PTK2B: variants seen among roughly 807,000 people sequenced by gnomAD.
PTK2B encodes the protein protein tyrosine kinase 2 beta.
Under a neutral mutation model 142.9 loss-of-function variants are expected in PTK2B, and 71 were observed. That is an observed-to-expected ratio of 0.50 (90% CI 0.41 to 0.61). The LOEUF (loss-of-function observed/expected upper bound fraction) is 0.61, where lower values mean the gene tolerates loss of function less well. Ranked by LOEUF, PTK2B falls within the 20% of genes least tolerant of loss-of-function variation. PTK2B has a pLI of 0.00. For synonymous variants in PTK2B, 519 were observed against 503.4 expected (o/e 1.03, Z -0.42); for missense variants, 1,105 against 1,320.4 (o/e 0.84, Z 2.53).
Position 27,433,957 on chromosome 8 carries a change from C to T in PTK2B, c.1106-136C>T, listed in dbSNP as rs1455930680. 8.2e-6 allele frequency: 10 copies of T among 1,226,514 alleles called. No homozygotes were observed. In the Admixed American group the frequency reaches 1.4e-4, roughly 17 times the overall value. 76.0% of individuals were successfully genotyped at this position (1,226,514 alleles called of 1,614,324 possible). A position where few individuals can be genotyped will look rare whatever the true frequency, so the allele number is the denominator to read the frequency against. On this transcript the variant is annotated intron_variant, in intron 11 of 30. Coordinates refer to ENST00000346049, the MANE Select transcript of PTK2B (RefSeq NM_173176.3). ...CACTTCTGGCCCAAGGCCTCACTAG[C>T]TCCCAGGCTAGGAGAGAATGGAATT...
At chr8:27,411,048 T>A (rs1809027995) in intron 2 of PTK2B, among the ~76,000 whole-genome samples, 1 of 152,202 alleles carries the variant, frequency 6.6e-6, no homozygotes, top group Admixed American at 6.5e-5. Context: ...AGTCCTGGGC[T>A]TACCCAAATA....
chr8:27,321,916 G>A (rs1039878992), upstream of PTK2B, among the ~76,000 whole-genome samples: 10 of 152,118 alleles, frequency 6.6e-5, no homozygotes, highest in African/African-American at 2.4e-4. Context: ...ACATAGTGAT[G>A]TCTGGTTAAA....
chr8:27,435,151 A>G (rs566673825), intron 13 of PTK2B, among the ~76,000 whole-genome samples: 176 of 152,360 alleles, frequency 1.2e-3, no homozygotes, highest in African/African-American at 4.1e-3. Context: ...TGGAAGTCCA[A>G]GATCAAGGTG....
At chr8:27,417,038 A>G (rs907670293) in intron 2 of PTK2B, among the ~76,000 whole-genome samples, 1 of 152,244 alleles carries the variant, frequency 6.6e-6, no homozygotes, top group Non-Finnish European at 1.5e-5. Context: ...AGTTGCTCAT[A>G]AAGTCAGACA....
chr8:27,337,704 T>C (rs1804159046), intron 1 of PTK2B, among the ~76,000 whole-genome samples: 1 of 152,242 alleles, frequency 6.6e-6, no homozygotes, highest in African/African-American at 2.4e-5. Flanking sequence ...TTCGTTTTGA[T>C]TGATATTTAT....
At chr8:27,344,358 G>A (rs1221219608) in intron 1 of PTK2B, among the ~76,000 whole-genome samples, 1 of 152,158 alleles carries the variant, frequency 6.6e-6, no homozygotes, top group Admixed American at 6.5e-5. Context: ...CTCAAGGTGT[G>A]GCCCCTCTAC....
At chr8:27,390,486 A>G (rs1472845217) in intron 1 of PTK2B, among the ~76,000 whole-genome samples, 1 of 151,938 alleles carries the variant, frequency 6.6e-6, no homozygotes, top group African/African-American at 2.4e-5. Context: ...AATAAAAATA[A>G]AAAATTGAAC....
rs562227992 is a variant in PTK2B at position 27,340,209 on chromosome 8, A to T, written c.-38+14528A>T. On this transcript the variant is annotated intron_variant, in intron 1 of 30. Transcript: ENST00000346049. The stretch of plus-strand genomic sequence containing the variant: ...AGATGAAACAGTAATTCAGGCAGCC[A>T]CAGTGAGACCAGATGTTCTGCATGA... Among the ~76,000 whole-genome samples, 13 of 152,372 alleles carry T rather than the reference A, an allele frequency of 8.5e-5. No individual in the cohort carries two copies. The East Asian group carries it at 2.1e-3, about 25-fold the overall frequency.
At chr8:27,405,801 CT>C (rs1808676000) in intron 2 of PTK2B, among the ~76,000 whole-genome samples, 2 of 152,194 alleles carry the variant, frequency 1.3e-5, no homozygotes, top group Admixed American at 1.3e-4. Flanking sequence ...TTGTTAGAGA[CT>C]TTTATCACGT....
chr8:27,440,509 C>CTCCCTAA, intron 21 of PTK2B, 68 bp downstream of exon 21: 1 of 1,540,696 alleles, frequency 6.5e-7, no homozygotes, highest in Non-Finnish European at 8.9e-7. Flanking sequence ...GACCAGCACA[C>CTCCCTAA]AGAGAGGTTT....
At chr8:27,325,479 A>G (rs1326682385), upstream of PTK2B, 4 of 152,448 alleles carry the variant, frequency 2.6e-5, no homozygotes, top group Admixed American at 2.6e-4. Context: ...CCCACCCTTT[A>G]AGGAAGTGGG....
intron 4 of PTK2B, among the ~76,000 whole-genome samples, chr8:27,421,315 T>C (rs1809735377): frequency 6.6e-6 from 1 of 151,274 alleles, no homozygotes; most frequent in African/African-American, 2.4e-5. Flanking sequence ...TTTATTTATT[T>C]ATTTATTTAT....
chr8:27,315,265 G>A (rs990287083), intron 3 of PTK2B, among the ~76,000 whole-genome samples: 1 of 152,104 alleles, frequency 6.6e-6, no homozygotes, highest in Non-Finnish European at 1.5e-5. Context: ...CATCTCTCTT[G>A]TGGAAAGTGA....
intron 1 of PTK2B, among the ~76,000 whole-genome samples, chr8:27,346,315 C>A (rs967524550): frequency 6.6e-6 from 1 of 152,088 alleles, no homozygotes; most frequent in Non-Finnish European, 1.5e-5. Flanking sequence ...GTAGGCAGAT[C>A]GTTTGAACCA....
intron 2 of PTK2B, among the ~76,000 whole-genome samples, chr8:27,405,618 G>A (rs1007615667): frequency 1.3e-5 from 2 of 152,164 alleles, no homozygotes; most frequent in Admixed American, 1.3e-4. Flanking sequence ...TGTGTGCTCT[G>A]CAGGCCAGCC....
In PTK2B at chr8:27,420,722, C is replaced by T. The variant is rs750162545; in HGVS notation, c.449C>T (p.Thr150Met). 1.9e-6 allele frequency: 3 copies of T among 1,613,748 alleles called. No individual in the cohort carries two copies. The highest frequency in any genetic ancestry group is 2.2e-5 in the East Asian group (1 of 44,878). Residue 150 changes from threonine (T) to methionine (M), a missense_variant, in exon 4 of 31, where the codon ACG becomes ATG. Coordinates refer to ENST00000346049, the MANE Select transcript of PTK2B (RefSeq NM_173176.3). ...GAGAGCCTGAAGGAGGACAGGACCA[C>T]GCTGCTCTATTTTTACCAACAGGTA... ...FMESLKEDRT[T>M]LLYFYQQLRN...
At position 27,426,378 on chromosome 8, in the gene PTK2B, G is replaced by A. The variant is rs1052385480; in HGVS notation, c.552-3715G>A. On this transcript the variant is annotated intron_variant, in intron 5 of 30. Coordinates refer to ENST00000346049, the MANE Select transcript of PTK2B (RefSeq NM_173176.3). ...TTGCAGGCTTGAGCTGGAAGGACCA[G>A]TCAGGCACTAGAGGGCACTCCAGGT... Among the ~76,000 whole-genome samples the A allele has an allele frequency of 3.3e-5, 5 of 152,336 alleles. 1 individual carries two copies. Among genetic ancestry groups the A allele is most frequent in the Middle Eastern group, 3.4e-3 (1 of 294 alleles).
At chr8:27,450,516 A>G (rs1811734562) in intron 24 of PTK2B, among the ~76,000 whole-genome samples, 1 of 152,234 alleles carries the variant, frequency 6.6e-6, no homozygotes. Context: ...GCGCACGTTG[A>G]GCAGTGGGTT....
chr8:27,438,036 C>T, intron 18 of PTK2B, 156 bp downstream of exon 18: 1 of 643,762 alleles, frequency 1.6e-6, no homozygotes, highest in Non-Finnish European at 2.7e-6. Flanking sequence ...ACCTCTCTGA[C>T]CCTGTGTCCT....
Sources: allele counts gnomAD v4.1 joint callset (sites outside exome capture counted in the v4.1 genomes callset), GRCh38; gene constraint gnomAD v4.1.1; transcripts MANE v1.5; gene names NCBI Gene and HGNC (gene_info 2026-07-23, HGNC 2026-07-21).